The following RASGRP1 variants were observed in gnomAD, a reference collection of about 807,000 sequenced individuals.
RASGRP1 encodes the protein RAS guanyl releasing protein 1, also known as RAS guanyl-releasing protein 1.
In RASGRP1, 37 loss-of-function variants were observed where a neutral mutation model predicts 95.1. The observed-to-expected ratio is 0.39, with a 90% confidence interval of 0.30 to 0.51. The LOEUF (loss-of-function observed/expected upper bound fraction) is 0.51, where lower values mean the gene tolerates loss of function less well. Among genes scored for constraint, RASGRP1 ranks in the 20% least tolerant of loss-of-function variants. The pLI is 0.80. For synonymous variants in RASGRP1, 325 were observed against 353.4 expected, an observed-to-expected ratio of 0.92 and a Z score of 0.90; for missense variants, 711 against 965.4, an observed-to-expected ratio of 0.74 and a Z score of 3.49.
chr15:38,514,234 C>G (rs979835139), intron 6 of RASGRP1, among the ~76,000 whole-genome samples: 7 of 152,094 alleles, frequency 4.6e-5, no homozygotes, highest in African/African-American at 1.7e-4. Context: ...CCCCATTTTA[C>G]TGTGCTATAT....
intron 8 of RASGRP1, among the ~76,000 whole-genome samples, chr15:38,508,227 G>A (rs62003600): frequency 0.011 from 1,707 of 152,256 alleles, 20 homozygotes; most frequent in Non-Finnish European, 0.019. Flanking sequence ...GCTTGAATCT[G>A]TTATATAACT....
intron 6 of RASGRP1, 58 bp downstream of exon 6, chr15:38,516,139 C>T: frequency 6.6e-7 from 1 of 1,511,932 alleles, no homozygotes; most frequent in East Asian, 2.3e-5. Flanking sequence ...GTTGAATTAT[C>T]ATCTTATTTT....
intron 2 of RASGRP1, among the ~76,000 whole-genome samples, chr15:38,555,480 CCT>C (rs1893516543): frequency 6.6e-6 from 1 of 152,154 alleles, no homozygotes; most frequent in African/African-American, 2.4e-5. Context: ...GCAGGTCTCC[CCT>C]GAGTGTAGGA....
At chr15:38,521,573 CACTT>C (rs766125760) in intron 3 of RASGRP1, among the ~76,000 whole-genome samples, 5 of 152,192 alleles carry the variant, frequency 3.3e-5, no homozygotes, top group Non-Finnish European at 5.9e-5. Context: ...CCCTCTTTCT[CACTT>C]CATTCAGGAG....
chr15:38,545,205 C>T (rs1161010564), intron 2 of RASGRP1, among the ~76,000 whole-genome samples: 1 of 152,220 alleles, frequency 6.6e-6, no homozygotes, highest in Admixed American at 6.5e-5. Context: ...CATCTTATAT[C>T]CTCACAGATG....
chr15:38,503,673 C>A, intron 10 of RASGRP1: 1 of 369,022 alleles, frequency 2.7e-6, no homozygotes, highest in Non-Finnish European at 4.9e-6. Flanking sequence ...TTTGTCAGAG[C>A]TATCAACAAA....
chr15:38,504,333 T>C (rs1449570320), intron 10 of RASGRP1: 4 of 152,244 alleles, frequency 2.6e-5, no homozygotes, highest in Non-Finnish European at 5.9e-5. Context: ...ACTTTTACTC[T>C]TTTGTTATGA....
chr15:38,556,241 T>C (rs1418436192), intron 2 of RASGRP1, among the ~76,000 whole-genome samples: 2 of 152,198 alleles, frequency 1.3e-5, no homozygotes, highest in East Asian at 3.8e-4. Context: ...TGTTTCATGG[T>C]TAAAGCAATG....
In RASGRP1 at chr15:38,490,591, T is replaced by C. The variant is rs1196167299; in HGVS notation, c.2357A>G (p.His786Arg). ...ACCCTGCTCCATTTGAGCTAAGACA[T>C]GATTGCTTTTTTCAAGCTGGAGGGA... ...IESLQLEKSNHVLAQMEQGDC... is the reference protein window; with the variant it reads ...IESLQLEKSNRVLAQMEQGDC... The change falls in exon 17 of 17, where the codon CAT becomes CGT. Residue 786 changes from histidine (H) to arginine (R), a missense_variant. Transcript: ENST00000310803. The C allele has an allele frequency of 4.3e-6, 7 of 1,613,498 alleles. No homozygotes were observed. The highest frequency in any genetic ancestry group is 3.3e-5 in the South Asian group (3 of 91,032).
chr15:38,495,295 C>G (rs758934464), intron 15 of RASGRP1, among the ~76,000 whole-genome samples: 19 of 152,132 alleles, frequency 1.2e-4, no homozygotes, highest in Non-Finnish European at 2.5e-4. Flanking sequence ...TGTATTGCCC[C>G]TGTTTGATAC....
At chr15:38,530,020 C>T (rs191615578) in intron 2 of RASGRP1, among the ~76,000 whole-genome samples, 5 of 152,130 alleles carry the variant, frequency 3.3e-5, no homozygotes, top group African/African-American at 1.2e-4. Context: ...TGTTTTCTGG[C>T]CCCACATAAT....
intron 2 of RASGRP1, among the ~76,000 whole-genome samples, chr15:38,544,920 G>A (rs1454455377): frequency 2.0e-5 from 3 of 152,174 alleles, no homozygotes; most frequent in Admixed American, 2.0e-4. Flanking sequence ...CAGATATTTT[G>A]TCCAGTTTTA....
chr15:38,515,779 C>A (rs559909697), intron 6 of RASGRP1, among the ~76,000 whole-genome samples: 2 of 125,288 alleles, frequency 1.6e-5, no homozygotes, highest in African/African-American at 6.4e-5. Flanking sequence ...CGCCCCCGCA[C>A]CCCCCCCCCT....
chr15:38,510,891 T>G (rs1293145142), intron 8 of RASGRP1, among the ~76,000 whole-genome samples: 1 of 151,972 alleles, frequency 6.6e-6, no homozygotes, highest in Non-Finnish European at 1.5e-5. Flanking sequence ...AGCCCAGGAG[T>G]TTGAGACTGC....
intron 2 of RASGRP1, among the ~76,000 whole-genome samples, chr15:38,539,164 T>C (rs181534301): frequency 6.6e-6 from 1 of 152,284 alleles, no homozygotes; most frequent in Non-Finnish European, 1.5e-5. Context: ...AGGTAAACCC[T>C]GCCCTTTCCA....
intron 2 of RASGRP1, among the ~76,000 whole-genome samples, chr15:38,558,094 A>G (rs1320115669): frequency 1.3e-5 from 2 of 152,212 alleles, no homozygotes; most frequent in Non-Finnish European, 2.9e-5. Context: ...ATAGTGAAAC[A>G]GAAAGAAGAA....
rs1890495334 is a variant in RASGRP1 at position 38,489,700 on chromosome 15, C to A, written c.*854G>T. ...TTTACTTCAGAAGAGAAAGATGGAA[C>A]ATGAAGAGTTAAACAGACTCTTCAT... On this transcript the variant is annotated 3_prime_UTR_variant, in exon 17 of 17. Coordinates refer to ENST00000310803, the MANE Select transcript of RASGRP1 (RefSeq NM_005739.4). The A allele has an allele frequency of 6.7e-6, 1 of 149,368 alleles. No individual in the cohort carries two copies. Among genetic ancestry groups the A allele is most frequent in the African/African-American group, 2.5e-5 (1 of 40,434 alleles). 9.3% of individuals were successfully genotyped at this position (149,368 alleles called of 1,614,324 possible).
At chr15:38,529,321 T>A (rs1035044078) in intron 2 of RASGRP1, among the ~76,000 whole-genome samples, 3 of 152,236 alleles carry the variant, frequency 2.0e-5, no homozygotes. Context: ...AAGCACTACA[T>A]GTCCTGGCCT....
chr15:38,544,063 T>C (rs528202601), intron 2 of RASGRP1, among the ~76,000 whole-genome samples: 13 of 152,216 alleles, frequency 8.5e-5, no homozygotes, highest in Non-Finnish European at 1.6e-4. Context: ...ATTAATCCTG[T>C]TGAAGCTCAG....
Sources: gnomAD v4.1 joint callset for allele counts (sites outside exome capture counted in the v4.1 genomes callset) on GRCh38, gnomAD v4.1.1 for gene constraint, MANE v1.5 for transcripts, NCBI Gene and HGNC (gene_info 2026-07-23, HGNC 2026-07-21) for gene names.